Variants in ANKRD30B observed in about 807,000 individuals in gnomAD.
The protein encoded by ANKRD30B is ankyrin repeat domain-containing protein 30B.
A neutral mutation model predicts 202.2 loss-of-function variants in ANKRD30B; 144 were observed. The observed-to-expected ratio is 0.71, with a 90% CI of 0.62 to 0.82. The LOEUF is 0.82. Ranked by LOEUF, ANKRD30B falls within the 40% of genes least tolerant of loss-of-function variation. The pLI is 0.00. For synonymous variants in ANKRD30B, 508 were observed against 561.3 expected (o/e 0.91, Z 1.34); for missense variants, 1,487 against 1,669.1 (o/e 0.89, Z 1.90).
chr18:14,820,920 A>G (rs1195847244), intron 30 of ANKRD30B, among the ~76,000 whole-genome samples: 2 of 152,160 alleles, frequency 1.3e-5, no homozygotes, highest in African/African-American at 2.4e-5. Context: ...ATTGATTGGA[A>G]TAGTTTCAGA....
intron 32 of ANKRD30B, among the ~76,000 whole-genome samples, chr18:14,826,275 A>G (rs1970653751): frequency 6.6e-6 from 1 of 152,238 alleles, no homozygotes; most frequent in African/African-American, 2.4e-5. Flanking sequence ...GCTAATGAAA[A>G]GTAGGAGAGG....
At chr18:14,839,469 A>G (rs1039419538) in intron 36 of ANKRD30B, among the ~76,000 whole-genome samples, 1 of 152,204 alleles carries the variant, frequency 6.6e-6, no homozygotes, top group African/African-American at 2.4e-5. Flanking sequence ...ACTAGCATGC[A>G]GAAAGTGGGG....
At chr18:14,833,440 G>T (rs979912313) in intron 34 of ANKRD30B, among the ~76,000 whole-genome samples, 1 of 152,024 alleles carries the variant, frequency 6.6e-6, no homozygotes, top group Non-Finnish European at 1.5e-5. Context: ...AATAGAGAGG[G>T]GGTTTCATCG....
intron 39 of ANKRD30B, among the ~76,000 whole-genome samples, chr18:14,846,496 A>C (rs938464919): frequency 2.6e-5 from 4 of 151,584 alleles, no homozygotes; most frequent in African/African-American, 9.7e-5. Flanking sequence ...CTGCCTCCTT[A>C]TTCTACCACT....
intron 1 of ANKRD30B, among the ~76,000 whole-genome samples, chr18:14,750,476 AT>A (rs139986940): frequency 1.5e-3 from 236 of 152,302 alleles, no homozygotes; most frequent in Middle Eastern, 0.014. Flanking sequence ...AAGCAGTGAT[AT>A]TTATAGTACT....
In ANKRD30B at chr18:14,748,336, G is replaced by A; in HGVS notation, c.-84G>A. 1 of 1,213,102 alleles carries A rather than the reference G, an allele frequency of 8.2e-7. No individual in the cohort carries two copies. The highest frequency in any genetic ancestry group is 1.1e-6 in the Non-Finnish European group (1 of 906,486). 75.1% of individuals were successfully genotyped at this position (1,213,102 alleles called of 1,614,324 possible). A position where few individuals can be genotyped will look rare whatever the true frequency, so the allele number is the denominator to read the frequency against. On this transcript the variant is annotated 5_prime_UTR_variant, in exon 1 of 44. Coordinates refer to ENST00000690538, the MANE Select transcript of ANKRD30B (RefSeq NM_001367607.2). ...AGCCGGGGGCGGGTGCTGGGGAAGG[G>A]TAAGCGGGAAGCGAGGGCGAGGGGT...
chr18:14,940,629 C>G, the ANKRD30B span, among the ~76,000 whole-genome samples: 6 of 152,288 alleles, frequency 3.9e-5, no homozygotes, highest in South Asian at 1.2e-3. Context: ...AATGTCATAT[C>G]AATTTCATAT....
chr18:14,752,527 T>G (rs773632941), intron 1 of ANKRD30B, 39 bp from the exon 2 acceptor site: 1 of 1,476,976 alleles, frequency 6.8e-7, no homozygotes. Flanking sequence ...TTTGAGACAG[T>G]GGGCTATACT....
At chr18:14,862,849 G>A in the ANKRD30B span, among the ~76,000 whole-genome samples, 10 of 152,348 alleles carry the variant, frequency 6.6e-5, no homozygotes, top group East Asian at 1.9e-4. Context: ...CCCTGGATGC[G>A]GGACATGAAA....
chr18:14,925,842 T>A, the ANKRD30B span, among the ~76,000 whole-genome samples: 1 of 152,124 alleles, frequency 6.6e-6, no homozygotes, highest in African/African-American at 2.4e-5. Context: ...AGCCTGGAAC[T>A]GACCAAAAGA....
At chr18:14,838,725 T>A (rs574793303) in intron 36 of ANKRD30B, among the ~76,000 whole-genome samples, 20 of 152,336 alleles carry the variant, frequency 1.3e-4, no homozygotes, top group African/African-American at 3.4e-4. Context: ...TTTGGTTCTG[T>A]CACTTACTAG....
At chr18:14,915,103 C>T in the ANKRD30B span, among the ~76,000 whole-genome samples, 1 of 152,178 alleles carries the variant, frequency 6.6e-6, no homozygotes, top group Non-Finnish European at 1.5e-5. Context: ...GTCAGCTGAT[C>T]TCCATGCTCC....
At chr18:14,787,144 G>C (rs529395865) in intron 15 of ANKRD30B, 44 bp downstream of exon 15, 1 of 1,528,202 alleles carries the variant, frequency 6.5e-7, no homozygotes, top group Non-Finnish European at 9.0e-7. Context: ...TATTGCATGA[G>C]ATGAAAACAT....
intron 18 of ANKRD30B, among the ~76,000 whole-genome samples, chr18:14,797,158 C>T (rs982514489): frequency 1.3e-4 from 20 of 152,046 alleles, no homozygotes; most frequent in African/African-American, 4.1e-4. Context: ...CTAGAAGAGC[C>T]GTGGCAAGAT....
At chr18:14,915,266 G>A in the ANKRD30B span, among the ~76,000 whole-genome samples, 3 of 152,180 alleles carry the variant, frequency 2.0e-5, no homozygotes, top group African/African-American at 7.2e-5. Flanking sequence ...GTGTCTGAAG[G>A]TCACTAGACT....
chr18:14,873,524 CAAA>C, the ANKRD30B span, among the ~76,000 whole-genome samples: 14 of 90,622 alleles, frequency 1.5e-4, no homozygotes, highest in African/African-American at 2.5e-4. Context: ...GACTCCGTTT[CAAA>C]AAAAAAAAAA....
downstream of ANKRD30B, among the ~76,000 whole-genome samples, chr18:14,858,064 C>G (rs1220391282): frequency 1.0e-5 from 1 of 97,344 alleles, no homozygotes; most frequent in Non-Finnish European, 2.1e-5. Context: ...CAGAGGCGCT[C>G]AACTGCCAGA....
the ANKRD30B span, among the ~76,000 whole-genome samples, chr18:14,939,531 G>T: frequency 6.6e-6 from 1 of 152,164 alleles, no homozygotes; most frequent in Non-Finnish European, 1.5e-5. Context: ...GGAGAAAGAG[G>T]CTGCAGAATA....
At chr18:14,794,367 C>T (rs1259258854) in intron 16 of ANKRD30B, among the ~76,000 whole-genome samples, 13 of 151,204 alleles carry the variant, frequency 8.6e-5, no homozygotes, top group East Asian at 3.9e-4. Flanking sequence ...TTCATCTCTG[C>T]GTGTTTTGCT....
Sources: allele counts gnomAD v4.1 joint callset (sites outside exome capture counted in the v4.1 genomes callset), GRCh38; gene constraint gnomAD v4.1.1; transcripts MANE v1.5; gene names NCBI Gene and HGNC (gene_info 2026-07-23, HGNC 2026-07-21).